COL5A1: variants seen among roughly 807,000 people sequenced by gnomAD.
The protein encoded by COL5A1 is collagen alpha-1(V) chain.
COL5A1 carries 16 observed loss-of-function variants against 263.7 expected under a neutral mutation model. The observed-to-expected ratio is 0.06, with a 90% CI of 0.04 to 0.09. The LOEUF is 0.09. Ranked by LOEUF, COL5A1 falls within the 10% of genes least tolerant of loss-of-function variation. The pLI, the probability that COL5A1 is intolerant of heterozygous loss-of-function variation, is 1.00. For synonymous variants in COL5A1, 1,012 were observed against 1,004.5 expected (o/e 1.01, Z -0.14); for missense variants, 2,036 against 2,540.5 (o/e 0.80, Z 4.27).
At position 134,802,018 on chromosome 9, in the gene COL5A1, G is replaced by A. The variant is rs749946777; in HGVS notation, c.3006+11G>A. 1.9e-5 allele frequency: 30 copies of A among 1,613,132 alleles called. No homozygotes were observed. The highest frequency in any genetic ancestry group is 2.5e-5 in the Non-Finnish European group (30 of 1,179,916). ...GTGGTCGGCCCTCAGGTAAGCTCCA[G>A]CCTTCCCAGATTCCATGGGTCACTC... On this transcript the variant is annotated intron_variant, in intron 38 of 65. Coordinates refer to ENST00000371817, the MANE Select transcript of COL5A1 (RefSeq NM_000093.5).
At chr9:134,760,615 ACACACACC>A (rs2132712739) in intron 18 of COL5A1, among the ~76,000 whole-genome samples, 1 of 114,888 alleles carries the variant, frequency 8.7e-6, no homozygotes, top group Admixed American at 9.2e-5. Context: ...ACATGCACAC[ACACACACC>A]CACACACCCC....
chr9:134,805,312 C>G, intron 41 of COL5A1, 98 bp downstream of exon 41: 1 of 1,387,288 alleles, frequency 7.2e-7, no homozygotes, highest in African/African-American at 1.4e-5. Context: ...CTGCCCCAGA[C>G]CCCCGAGGAG....
At chr9:134,796,697 G>A (rs1000651250) in intron 35 of COL5A1, 151 bp from the exon 36 acceptor site, 52 of 816,968 alleles carry the variant, frequency 6.4e-5, no homozygotes, top group South Asian at 5.7e-4. Flanking sequence ...GTGAGGCAGG[G>A]TGAGGGAGGG....
At chr9:134,764,922 A>G (rs933867124) in intron 20 of COL5A1, among the ~76,000 whole-genome samples, 1 of 152,168 alleles carries the variant, frequency 6.6e-6, no homozygotes, top group African/African-American at 2.4e-5. Context: ...GTTCTCTTCT[A>G]CAGAATCTGA....
At chr9:134,826,085 G>A (rs373162735) in intron 63 of COL5A1, among the ~76,000 whole-genome samples, 181 bp downstream of exon 63, 1 of 152,248 alleles carries the variant, frequency 6.6e-6, no homozygotes, top group East Asian at 1.9e-4. Flanking sequence ...AAATTTTTTA[G>A]TAATAAAATA....
At chr9:134,809,957 G>C (rs1301754759) in intron 43 of COL5A1, among the ~76,000 whole-genome samples, 1 of 152,142 alleles carries the variant, frequency 6.6e-6, no homozygotes, top group African/African-American at 2.4e-5. Flanking sequence ...CCTGTTGTTA[G>C]GTTGTCATGG....
At position 134,821,037 on chromosome 9, in the gene COL5A1, A is replaced by G. The variant is rs901447182; in HGVS notation, c.4554+814A>G. On this transcript the variant is annotated intron_variant, in intron 58 of 65. Coordinates refer to ENST00000371817, the MANE Select transcript of COL5A1 (RefSeq NM_000093.5). The surrounding 1 kb of genome is among the most constrained non-coding windows in gnomAD (Gnocchi z 4.2). ...ATGGGCCCGGGGAAGGTTGCAGGAC[A>G]TGGCTGAAGGGTGGAGCTCATTGCA... 6.6e-6 allele frequency among the ~76,000 whole-genome samples: 1 copy of G among 152,092 alleles called. No individual in the cohort carries two copies. The highest frequency in any genetic ancestry group is 1.5e-5 in the Non-Finnish European group (1 of 68,006).
intron 64 of COL5A1, chr9:134,832,937 A>G (rs973082868): frequency 6.6e-6 from 1 of 152,126 alleles, no homozygotes; most frequent in Non-Finnish European, 1.5e-5. Flanking sequence ...CCGGTGCCCA[A>G]ACACTCTTGG....
rs908727112 is a variant in COL5A1 at position 134,642,860 on chromosome 9, C to A, written c.109+564C>A. ...ACAGCGTTTCCTGCAGCCTTGGTCA[C>A]CTAAGTGTTCGGGGGCACTGGGGAC... is the stretch of plus-strand genomic sequence containing the variant. On this transcript the variant is annotated intron_variant, in intron 1 of 65. Coordinates refer to ENST00000371817, the MANE Select transcript of COL5A1 (RefSeq NM_000093.5). This position sits in a 1 kb window ranked among gnomAD's most constrained non-coding sequence, Gnocchi z 4.5. Among the ~76,000 whole-genome samples the A allele has an allele frequency of 6.6e-6, 1 of 152,212 alleles. No homozygotes were observed. Among genetic ancestry groups the A allele is most frequent in the African/African-American group, 2.4e-5 (1 of 41,458 alleles).
intron 4 of COL5A1, among the ~76,000 whole-genome samples, chr9:134,722,590 G>A (rs1047015635): frequency 6.6e-6 from 1 of 152,248 alleles, no homozygotes; most frequent in African/African-American, 2.4e-5. Flanking sequence ...GCCCCTGAAG[G>A]CCCCTGAGGC....
chr9:134,812,414 G>A, intron 46 of COL5A1, 35 bp from the exon 47 acceptor site: 1 of 1,610,772 alleles, frequency 6.2e-7, no homozygotes, highest in East Asian at 2.2e-5. Context: ...ACACATGACA[G>A]AACAGCGCTT....
chr9:134,768,516 C>CAGCCCTATCCGCAGGGT, intron 25 of COL5A1, 53 bp downstream of exon 25: 2 of 1,563,186 alleles, frequency 1.3e-6, no homozygotes, highest in Non-Finnish European at 8.8e-7. Flanking sequence ...CTCCACCCTG[C>CAGCCCTATCCGCAGGGT]GGATAGGGCT....
At chr9:134,768,781 C>G (rs777055491) in intron 25 of COL5A1, among the ~76,000 whole-genome samples, 9 of 152,236 alleles carry the variant, frequency 5.9e-5, no homozygotes, top group Non-Finnish European at 1.0e-4. Flanking sequence ...GGGCTCCAGG[C>G]CATCGCTTGC....
In COL5A1 at chr9:134,821,608, C is replaced by T. The variant is rs191190784; in HGVS notation, c.4555-489C>T. On this transcript the variant is annotated intron_variant, in intron 58 of 65. Coordinates refer to ENST00000371817, the MANE Select transcript of COL5A1 (RefSeq NM_000093.5). This position sits in a 1 kb window ranked among gnomAD's most constrained non-coding sequence, Gnocchi z 4.2. ...AGAAGGGGTCTGAGCGGAGGTTCCA[C>T]GCTCCAAGGATGCAGAAAGCACATT... Among the ~76,000 whole-genome samples, 114 of 152,256 alleles carry T rather than the reference C, an allele frequency of 7.5e-4. No homozygotes were observed. Among genetic ancestry groups the T allele is most frequent in the African/African-American group, 1.9e-3 (79 of 41,540 alleles).
chr9:134,763,804 G>A lies in COL5A1; in HGVS notation c.2034+67G>A, dbSNP rs147999284. The stretch of plus-strand genomic sequence containing the variant: ...GAGAAAGGCTTTGTCCAAGGCTCCT[G>A]CTGGAGCAGGATCTGGGATCAGCCA... On this transcript the variant is annotated intron_variant, in intron 20 of 65. Transcript: ENST00000371817. 5.3e-4 allele frequency: 787 copies of A among 1,480,538 alleles called. 9 individuals are homozygous for A. In the Middle Eastern group the frequency reaches 0.023, roughly 43 times the overall value. 91.7% of individuals were successfully genotyped at this position (1,480,538 alleles called of 1,614,324 possible). A position where few individuals can be genotyped will look rare whatever the true frequency, so the allele number is the denominator to read the frequency against.
At chr9:134,749,868 G>A (rs187092691) in intron 11 of COL5A1, among the ~76,000 whole-genome samples, 179 of 152,336 alleles carry the variant, frequency 1.2e-3, no homozygotes, top group Admixed American at 2.4e-3. Flanking sequence ...TTTTACATGC[G>A]TATAGTGGTC....
At chr9:134,839,040 C>T (rs1195393360) in intron 65 of COL5A1, among the ~76,000 whole-genome samples, 1 of 152,256 alleles carries the variant, frequency 6.6e-6, no homozygotes, top group African/African-American at 2.4e-5. Flanking sequence ...CCCTGATGCC[C>T]CGAACTCGGG....
At chr9:134,784,945 T>C in intron 29 of COL5A1, 44 bp from the exon 30 acceptor site, 1 of 1,252,394 alleles carries the variant, frequency 8.0e-7, no homozygotes. Flanking sequence ...GAATAGTGTG[T>C]GTGCGGGGGG....
At chr9:134,730,595 C>G in intron 7 of COL5A1, 120 bp downstream of exon 7, 2 of 1,396,180 alleles carry the variant, frequency 1.4e-6, no homozygotes, top group Non-Finnish European at 2.0e-6. Context: ...CGGGTGGCCC[C>G]TGTGTTCCAC....
Sources: gnomAD v4.1 joint callset for allele counts (sites outside exome capture counted in the v4.1 genomes callset) on GRCh38, gnomAD v4.1.1 for gene constraint, Gnocchi (gnomAD v3.1) non-coding constraint, MANE v1.5 for transcripts, NCBI Gene and HGNC (gene_info 2026-07-23, HGNC 2026-07-21) for gene names.